The following GJB7 variants were observed in gnomAD, a reference collection of about 807,000 sequenced individuals.
GJB7 encodes gap junction protein beta 7.
For missense variants in GJB7, 253 were observed against 256.8 expected (o/e 0.99, Z 0.10); for synonymous variants, 87 against 95.2 (o/e 0.91, Z 0.50).
At chr6:87,319,830 G>A (rs1021203455) in intron 2 of GJB7, among the ~76,000 whole-genome samples, 5 of 152,142 alleles carry the variant, frequency 3.3e-5, no homozygotes, top group Admixed American at 6.5e-5. Context: ...ACACAACAGA[G>A]TACTATTCAG....
chr6:87,284,810 C>T lies in GJB7; in HGVS notation c.103G>A (p.Val35Ile). The T allele has an allele frequency of 6.2e-7, 1 of 1,614,094 alleles. No individual in the cohort carries two copies. Residue 35 changes from valine (V) to isoleucine (I), a missense_variant, in exon 3 of 3, where the codon GTC becomes ATC. Transcript: ENST00000525899. ...LAVVFVFRLLVYMVAAEHVWK... is the reference protein window; with the variant it reads ...LAVVFVFRLLIYMVAAEHVWK... ...ACGTGCTCTGCTGCCACCATGTAGA[C>T]CAGCAAACGGAAGACAAACACGACA... is the stretch of plus-strand genomic sequence containing the variant.
chr6:87,294,544 C>T (rs1440588247), intron 2 of GJB7, among the ~76,000 whole-genome samples: 35 of 152,254 alleles, frequency 2.3e-4, no homozygotes, highest in Admixed American at 2.2e-3. Flanking sequence ...ACATGTAGAA[C>T]TGTGCTTTAA....
In GJB7 at chr6:87,305,471, G is replaced by A. The variant is rs529789054; in HGVS notation, c.-28+17395C>T. Among the ~76,000 whole-genome samples the A allele has an allele frequency of 5.9e-5, 9 of 152,250 alleles. No homozygotes were observed. The South Asian group carries it at 1.7e-3, about 28-fold the overall frequency. On this transcript the variant is annotated intron_variant, in intron 2 of 2. Coordinates refer to ENST00000525899, the MANE Select transcript of GJB7 (RefSeq NM_198568.3). The stretch of plus-strand genomic sequence containing the variant: ...ATACCTAGGAATCCAACTTACAAGG[G>A]ATGTGAAGGACCTCTTCAAGGAGAA...
At chr6:87,318,368 C>A (rs532342493) in intron 2 of GJB7, among the ~76,000 whole-genome samples, 2 of 152,302 alleles carry the variant, frequency 1.3e-5, no homozygotes, top group African/African-American at 4.8e-5. Flanking sequence ...TTCTGCACAA[C>A]AACGAACTGA....
chr6:87,312,961 A>C (rs1252455100), intron 2 of GJB7, among the ~76,000 whole-genome samples: 1 of 152,240 alleles, frequency 6.6e-6, no homozygotes, highest in Non-Finnish European at 1.5e-5. Context: ...AGAAAAACCC[A>C]AAAGTCCTGT....
rs768473944 is a variant in GJB7 at position 87,284,759 on chromosome 6, CA to C, written c.153del (p.Phe51LeufsTer31). 4.3e-6 allele frequency: 7 copies of C among 1,614,140 alleles called. No homozygotes were observed. Among genetic ancestry groups the C allele is most frequent in the Non-Finnish European group, 4.2e-6 (5 of 1,180,022 alleles). On this transcript the variant is annotated frameshift_variant, in exon 3 of 3. Coordinates refer to ENST00000525899, the MANE Select transcript of GJB7 (RefSeq NM_198568.3). LOFTEE classifies it low-confidence loss of function (END_TRUNC). ...EHVWKDEQKE[F>X]ECNSRQPGCK... Reference sequence around the variant, plus strand: ...CAACCGGGCTGTCTACTGTTGCACTCAAACTCTTTCTGCTCATCTTTCCACA... The same window carrying C: ...CAACCGGGCTGTCTACTGTTGCACTCAACTCTTTCTGCTCATCTTTCCACA...
At chr6:87,299,840 C>T in intron 2 of GJB7, 1 of 195,364 alleles carries the variant, frequency 5.1e-6, no homozygotes, top group Non-Finnish European at 1.1e-5. Context: ...AAATGTTTTT[C>T]CTTTTAAGGC....
chr6:87,328,154 T>G (rs1776881340), intron 1 of GJB7, among the ~76,000 whole-genome samples: 1 of 152,192 alleles, frequency 6.6e-6, no homozygotes, highest in South Asian at 2.1e-4. Context: ...TTATACATTC[T>G]TCTAAACTTT....
intron 2 of GJB7, among the ~76,000 whole-genome samples, chr6:87,316,335 TG>T (rs1247713638): frequency 1.3e-5 from 2 of 152,202 alleles, no homozygotes; most frequent in Non-Finnish European, 1.5e-5. Context: ...AAATTATTTC[TG>T]TTTCTTAGCC....
rs1266865085 is a variant in GJB7, at chr6:87,322,958, A to G, written c.-120T>C. ...CTGCAGTTTCTTAGTGTCTTGGCTCACCAGACTCATAGGGGAACATGGTGG... is the reference window on the plus strand; with the variant it reads ...CTGCAGTTTCTTAGTGTCTTGGCTCGCCAGACTCATAGGGGAACATGGTGG... On this transcript the variant is annotated 5_prime_UTR_variant, in exon 2 of 3. Coordinates refer to ENST00000525899, the MANE Select transcript of GJB7 (RefSeq NM_198568.3). The G allele has an allele frequency of 5.9e-5, 9 of 151,958 alleles. No individual in the cohort carries two copies. Among genetic ancestry groups the G allele is most frequent in the Non-Finnish European group, 1.3e-4 (9 of 68,014 alleles). 9.4% of individuals were successfully genotyped at this position (151,958 alleles called of 1,614,324 possible).
At chr6:87,286,663 G>A (rs180762706) in intron 2 of GJB7, among the ~76,000 whole-genome samples, 158 of 152,244 alleles carry the variant, frequency 1.0e-3, no homozygotes, top group Non-Finnish European at 1.5e-3. Context: ...ATTGAACTTC[G>A]TGGGATGGGC....
At chr6:87,300,353 C>A (rs111665161) in intron 2 of GJB7, 2 of 209,306 alleles carry the variant, frequency 9.6e-6, no homozygotes, top group African/African-American at 4.6e-5. Flanking sequence ...CTGGGGTGCA[C>A]TCTGTTAACT....
rs1358729203 is a variant in GJB7 at position 87,317,376 on chromosome 6, AAAC to A, written c.-28+5487_-28+5489del. Among the ~76,000 whole-genome samples, 8 of 152,104 alleles carry A rather than the reference AAAC, an allele frequency of 5.3e-5. 1 individual carries two copies. The East Asian group carries it at 1.5e-3, about 29-fold the overall frequency. On this transcript the variant is annotated intron_variant, in intron 2 of 2. Coordinates refer to ENST00000525899, the MANE Select transcript of GJB7 (RefSeq NM_198568.3). ...AAGACCCTGTCTCAAACAAACAAAC[AAAC>A]AACAAGAAATTATCTGTTTTAATTT...
At chr6:87,328,096 T>C (rs1378758704) in intron 1 of GJB7, among the ~76,000 whole-genome samples, 2 of 152,242 alleles carry the variant, frequency 1.3e-5, no homozygotes, top group African/African-American at 4.8e-5. Context: ...GCCTTGGTTT[T>C]CAGCTCCATC....
intron 2 of GJB7, among the ~76,000 whole-genome samples, chr6:87,314,072 T>A (rs1776547784): frequency 6.6e-6 from 1 of 152,266 alleles, no homozygotes; most frequent in African/African-American, 2.4e-5. Context: ...ATACATTTCA[T>A]AAGGTACTGC....
At chr6:87,309,298 A>G (rs1452899848) in intron 2 of GJB7, among the ~76,000 whole-genome samples, 6 of 152,216 alleles carry the variant, frequency 3.9e-5, no homozygotes, top group African/African-American at 1.4e-4. Context: ...TACCCTTGTC[A>G]CCAAGGTCAG....
In GJB7 at chr6:87,284,754, G is replaced by A; in HGVS notation, c.159C>T (p.Cys53=). The change falls in exon 3 of 3, where the codon TGC becomes TGT. Residue 53 remains cysteine, a synonymous_variant. Coordinates refer to ENST00000525899, the MANE Select transcript of GJB7 (RefSeq NM_198568.3). ...VWKDEQKEFE[C]NSRQPGCKNV... ...TTTTGCAACCGGGCTGTCTACTGTT[G>A]CACTCAAACTCTTTCTGCTCATCTT... 1 of 1,614,136 alleles carries A rather than the reference G, an allele frequency of 6.2e-7. No individual in the cohort carries two copies. The highest frequency in any genetic ancestry group is 8.5e-7 in the Non-Finnish European group (1 of 1,180,024).
At chr6:87,328,778 A>G (rs1425161795) in intron 1 of GJB7, among the ~76,000 whole-genome samples, 1 of 152,168 alleles carries the variant, frequency 6.6e-6, no homozygotes, top group Non-Finnish European at 1.5e-5. Flanking sequence ...GGTGGGCTCC[A>G]CCCAGTTCGA....
At chr6:87,285,745 A>G (rs1317527609) in intron 2 of GJB7, among the ~76,000 whole-genome samples, 10 of 152,174 alleles carry the variant, frequency 6.6e-5, no homozygotes. Context: ...AGTGGGGGAG[A>G]GGGAGAATCT....
Sources: allele counts gnomAD v4.1 joint callset (sites outside exome capture counted in the v4.1 genomes callset), GRCh38; gene constraint gnomAD v4.1.1; transcripts MANE v1.5; gene names NCBI Gene and HGNC (gene_info 2026-07-23, HGNC 2026-07-21).